Variants in MAP3K20 observed in about 807,000 individuals in gnomAD.
The protein encoded by MAP3K20 is mitogen-activated protein kinase kinase kinase 20.
Under a neutral mutation model 85.7 loss-of-function variants are expected in MAP3K20, and 40 were observed. The observed-to-expected ratio is 0.47, with a 90% CI of 0.36 to 0.61. The LOEUF is 0.61. MAP3K20 is among the 20% of genes least tolerant of loss of function. The probability of loss-of-function intolerance (pLI) is 0.00; values close to 1 mark genes in which losing one functional copy is unlikely to be tolerated. For synonymous variants in MAP3K20, 325 were observed against 327.7 expected, an observed-to-expected ratio of 0.99 and a Z score of 0.09; for missense variants, 817 against 961.7, an observed-to-expected ratio of 0.85 and a Z score of 1.99.
intron 14 of MAP3K20, among the ~76,000 whole-genome samples, chr2:173,237,024 T>TTA (rs913619360): frequency 2.3e-5 from 3 of 131,478 alleles, no homozygotes; most frequent in African/African-American, 8.7e-5. Flanking sequence ...TCCACCTTTT[T>TTA]TTTTTTTTTT....
chr2:173,120,106 A>T (rs956415750), intron 2 of MAP3K20, among the ~76,000 whole-genome samples: 13 of 152,166 alleles, frequency 8.5e-5, no homozygotes, highest in African/African-American at 3.1e-4. Context: ...ATTATCTTTT[A>T]AAAAAAGAAC....
chr2:173,143,337 A>G (rs1232189434), intron 2 of MAP3K20, among the ~76,000 whole-genome samples: 2 of 152,236 alleles, frequency 1.3e-5, no homozygotes, highest in Non-Finnish European at 2.9e-5. Flanking sequence ...GCTTCAAAAT[A>G]CATGAAGCAA....
intron 12 of MAP3K20, among the ~76,000 whole-genome samples, chr2:173,230,828 T>G (rs1158756636): frequency 5.9e-5 from 9 of 152,024 alleles, no homozygotes; most frequent in Non-Finnish European, 1.3e-4. Flanking sequence ...AAACCCCATC[T>G]CTACTAAAAA....
intron 2 of MAP3K20, among the ~76,000 whole-genome samples, chr2:173,162,558 C>T (rs1052560340): frequency 2.6e-5 from 4 of 151,792 alleles, no homozygotes; most frequent in South Asian, 2.1e-4. Flanking sequence ...TGGTGGTAGG[C>T]GCCTGTAATC....
chr2:173,211,401 T>TTTTCAGGATCTTTA (rs1338510151), intron 10 of MAP3K20: 2 of 152,318 alleles, frequency 1.3e-5, no homozygotes, highest in Non-Finnish European at 2.9e-5. Flanking sequence ...ATTTCTCCCC[T>TTTTCAGGATCTTTA]TTTCAGGATC....
chr2:173,225,518 C>T (rs1484653793), intron 11 of MAP3K20: 23 of 855,436 alleles, frequency 2.7e-5, no homozygotes, highest in South Asian at 2.2e-4. Flanking sequence ...CACTTGAACC[C>T]GGGAGGCAGA....
intron 1 of MAP3K20, among the ~76,000 whole-genome samples, chr2:173,082,808 C>T (rs1687048335): frequency 6.6e-6 from 1 of 152,256 alleles, no homozygotes; most frequent in African/African-American, 2.4e-5. Context: ...TATGCCGTGG[C>T]CGTAGGTTGT....
intron 16 of MAP3K20, among the ~76,000 whole-genome samples, chr2:173,255,886 C>T (rs1051531009): frequency 3.3e-5 from 5 of 152,188 alleles, no homozygotes; most frequent in African/African-American, 1.2e-4. Flanking sequence ...ATCATGACAC[C>T]AAACAGTCAT....
At chr2:173,101,544 C>T (rs1357151721) in intron 2 of MAP3K20, among the ~76,000 whole-genome samples, 2 of 152,148 alleles carry the variant, frequency 1.3e-5, no homozygotes, top group Non-Finnish European at 2.9e-5. Context: ...AAAAATGTTA[C>T]AGCCTGAGTA....
chr2:173,208,653 G>T (rs900913317), intron 9 of MAP3K20, among the ~76,000 whole-genome samples: 4 of 151,984 alleles, frequency 2.6e-5, no homozygotes, highest in African/African-American at 9.7e-5. Flanking sequence ...ATATATCCTA[G>T]GTTTTTATAT....
chr2:173,119,741 C>T (rs1001888994), intron 2 of MAP3K20, among the ~76,000 whole-genome samples: 2 of 152,166 alleles, frequency 1.3e-5, no homozygotes, highest in African/African-American at 2.4e-5. Flanking sequence ...ATTTTTTCAC[C>T]TATGATGAAG....
chr2:173,221,483 G>C (rs149819262), intron 11 of MAP3K20: 102 of 1,608,356 alleles, frequency 6.3e-5, no homozygotes, highest in Admixed American at 6.7e-5. Context: ...CGATGATGAT[G>C]ATGATGACGG....
At chr2:173,196,571 T>G (rs1690848213) in intron 7 of MAP3K20, among the ~76,000 whole-genome samples, 2 of 152,234 alleles carry the variant, frequency 1.3e-5, no homozygotes, top group Non-Finnish European at 2.9e-5. Context: ...ATTTCCCTGA[T>G]TTTCCTGCTA....
At chr2:173,227,091 T>A (rs1574136810) in intron 11 of MAP3K20, 2 of 985,772 alleles carry the variant, frequency 2.0e-6, no homozygotes, top group East Asian at 1.1e-4. Flanking sequence ...TGTGAACTTT[T>A]CTTTGCTTTC....
Position 173,126,549 on chromosome 2 carries a change from T to G in MAP3K20, c.159+35359T>G, listed in dbSNP as rs374129518. Among the ~76,000 whole-genome samples, 53 of 152,172 alleles carry G rather than the reference T, an allele frequency of 3.5e-4. 1 individual carries two copies. Among genetic ancestry groups the G allele is most frequent in the African/African-American group, 1.2e-3 (51 of 41,514 alleles). On this transcript the variant is annotated intron_variant, in intron 2 of 19. Transcript: ENST00000375213. ...CATGCACCATCACACCTAGCTAATT[T>G]TCATATTTTTAGTAGAGATGGGGTT... is the stretch of plus-strand genomic sequence containing the variant.
chr2:173,118,364 T>G (rs1174694168), intron 2 of MAP3K20, among the ~76,000 whole-genome samples: 1 of 152,248 alleles, frequency 6.6e-6, no homozygotes, highest in African/African-American at 2.4e-5. Context: ...ATTAATTTTT[T>G]GAAATTATTT....
At chr2:173,142,416 G>A (rs1403381794) in intron 2 of MAP3K20, among the ~76,000 whole-genome samples, 1 of 151,562 alleles carries the variant, frequency 6.6e-6, no homozygotes, top group Non-Finnish European at 1.5e-5. Flanking sequence ...AGGTTGCAGT[G>A]AGCTGAGATC....
chr2:173,157,121 A>G (rs1413829611), intron 2 of MAP3K20, among the ~76,000 whole-genome samples: 1 of 152,164 alleles, frequency 6.6e-6, no homozygotes, highest in Admixed American at 6.5e-5. Context: ...TAAGTATGAG[A>G]CAGTTCATTC....
intron 4 of MAP3K20, among the ~76,000 whole-genome samples, chr2:173,183,962 AT>A (rs1048323032): frequency 2.0e-5 from 3 of 152,022 alleles, no homozygotes; most frequent in Non-Finnish European, 4.4e-5. Flanking sequence ...GTGAAAAAAA[AT>A]TTTTTTTGAG....
Sources: gnomAD v4.1 joint callset for allele counts (sites outside exome capture counted in the v4.1 genomes callset) on GRCh38, gnomAD v4.1.1 for gene constraint, MANE v1.5 for transcripts, NCBI Gene and HGNC (gene_info 2026-07-23, HGNC 2026-07-21) for gene names.